Variants in CMC2 observed in about 807,000 individuals in gnomAD.
CMC2 encodes COX assembly mitochondrial protein 2 homolog.
Under a neutral mutation model 7.5 loss-of-function variants are expected in CMC2, and 5 were observed. That is an observed-to-expected ratio of 0.66 (90% CI 0.35 to 1.40). CMC2 has a LOEUF of 1.40. Ranked by LOEUF, CMC2 falls within the 40% of genes most tolerant of loss-of-function variation. CMC2 has a pLI of 0.04. For synonymous variants in CMC2, 37 were observed against 31.4 expected (o/e 1.18, Z -0.60); for missense variants, 115 against 92.3 (o/e 1.25, Z -1.01).
intron 3 of CMC2, among the ~76,000 whole-genome samples, chr16:80,979,734 C>T (rs1366342977): frequency 6.6e-6 from 1 of 152,048 alleles, no homozygotes; most frequent in East Asian, 1.9e-4. Flanking sequence ...TATTCTCCTG[C>T]CTCAGCCTCC....
intron 2 of CMC2, chr16:80,991,693 G>A (rs188564368): frequency 1.0e-4 from 23 of 221,100 alleles, no homozygotes; most frequent in Admixed American, 9.0e-4. Context: ...GGTGATCAAC[G>A]TCAACATTAA....
intron 2 of CMC2, among the ~76,000 whole-genome samples, chr16:80,993,034 A>G (rs2549854): frequency 0.65 from 99,087 of 151,954 alleles, 34,066 homozygotes; most frequent in South Asian, 0.8. Context: ...CAGGTTTCTT[A>G]GTGTTTGTAT....
intron 2 of CMC2, among the ~76,000 whole-genome samples, chr16:80,984,531 T>C (rs975636236): frequency 1.3e-5 from 2 of 152,240 alleles, no homozygotes; most frequent in Non-Finnish European, 1.5e-5. Flanking sequence ...CCTAATGACC[T>C]TTCCAGAATA....
chr16:80,988,391 G>C (rs115341902), intron 2 of CMC2: 1 of 589,024 alleles, frequency 1.7e-6, no homozygotes, highest in African/African-American at 1.9e-5. Flanking sequence ...TCTTCAGAAA[G>C]ATCAGTTAGG....
rs1911764087 is a variant in CMC2 at position 80,969,353 on chromosome 16, A to T, written c.*6740T>A. On this transcript the variant is annotated 3_prime_UTR_variant, in exon 4 of 4. Transcript: ENST00000219400. ...GAACCAACTAAGGACCGAAGAACCCAAAACAACAGATATTCACTGCAAAGC... is the reference window on the plus strand; with the variant it reads ...GAACCAACTAAGGACCGAAGAACCCTAAACAACAGATATTCACTGCAAAGC... 6.6e-6 allele frequency: 1 copy of T among 152,356 alleles called. No homozygotes were observed. Among genetic ancestry groups the T allele is most frequent in the African/African-American group, 2.4e-5 (1 of 41,450 alleles). The allele number at this position is 152,356 out of a possible 1,614,324, so 9.4% of individuals were successfully genotyped here.
At chr16:80,994,074 G>C (rs1340562958) in intron 2 of CMC2, among the ~76,000 whole-genome samples, 1 of 151,950 alleles carries the variant, frequency 6.6e-6, no homozygotes, top group African/African-American at 2.4e-5. Context: ...TTTGACAAAG[G>C]GACCATGGTA....
At chr16:80,979,655 C>A (rs1966968293) in intron 3 of CMC2, among the ~76,000 whole-genome samples, 1 of 152,108 alleles carries the variant, frequency 6.6e-6, no homozygotes, top group South Asian at 2.1e-4. Context: ...GTCTCTCACT[C>A]TGTCACCCAG....
At chr16:80,978,381 T>C in intron 3 of CMC2, 1 of 1,271,422 alleles carries the variant, frequency 7.9e-7, no homozygotes, top group South Asian at 1.2e-5. Flanking sequence ...CATTAAAATA[T>C]GCTAAGACAT....
intron 3 of CMC2, among the ~76,000 whole-genome samples, chr16:80,978,072 C>CAAAA (rs57080796): frequency 6.9e-6 from 1 of 145,378 alleles, no homozygotes; most frequent in Admixed American, 6.9e-5. Context: ...GACTTCGTCT[C>CAAAA]AAAAAAAAAG....
intron 2 of CMC2, among the ~76,000 whole-genome samples, chr16:80,991,533 C>T (rs1032405384): frequency 5.3e-5 from 8 of 151,588 alleles, no homozygotes; most frequent in African/African-American, 1.2e-4. Context: ...CCCAGCTACT[C>T]GGGAGGGTGA....
rs561820119 is a variant in CMC2 at position 80,976,976 on chromosome 16, T to C, written c.154-797A>G. 8.5e-5 allele frequency among the ~76,000 whole-genome samples: 13 copies of C among 152,194 alleles called. No homozygotes were observed. In the South Asian group the frequency reaches 1.0e-3, roughly 12 times the overall value. ...CCAAAAAAAAAAATCACAACCAAAA[T>C]TGAATACAGTGCTCCAGTCACAATG... On this transcript the variant is annotated intron_variant, in intron 3 of 3. Transcript: ENST00000219400.
intron 2 of CMC2, among the ~76,000 whole-genome samples, chr16:80,988,799 T>C (rs1967744193): frequency 1.5e-5 from 1 of 65,696 alleles, no homozygotes; most frequent in Non-Finnish European, 5.4e-5. Context: ...TGTCACGTCT[T>C]TTTAGTCTTT....
intron 2 of CMC2, among the ~76,000 whole-genome samples, chr16:80,986,571 G>C (rs1214486692): frequency 6.6e-6 from 1 of 152,192 alleles, no homozygotes; most frequent in Non-Finnish European, 1.5e-5. Flanking sequence ...AGACCAGATA[G>C]AAGTCCTTTA....
At chr16:81,000,406 G>C (rs1259128548) in intron 1 of CMC2, among the ~76,000 whole-genome samples, 1 of 152,194 alleles carries the variant, frequency 6.6e-6, no homozygotes, top group Non-Finnish European at 1.5e-5. Context: ...TGAGGAAGGA[G>C]AATCGCTTGA....
intron 1 of CMC2, among the ~76,000 whole-genome samples, chr16:81,000,589 T>G (rs142246931): frequency 0.014 from 2,193 of 152,114 alleles, 32 homozygotes; most frequent in Non-Finnish European, 0.024. Flanking sequence ...CCAAAAAACA[T>G]GAAAAAATGC....
At position 80,978,466 on chromosome 16, in the gene CMC2, A is replaced by G. The variant is rs902811182; in HGVS notation, c.154-2287T>C. On this transcript the variant is annotated intron_variant, in intron 3 of 3. Transcript: ENST00000219400. Reference sequence around the variant, plus strand: ...AATATGAAGTTACTCACAAAACTCAATCAAACAATACAGACAGAATGAAAG... The same window carrying G: ...AATATGAAGTTACTCACAAAACTCAGTCAAACAATACAGACAGAATGAAAG... 17 of 972,750 alleles carry G rather than the reference A, an allele frequency of 1.7e-5. No individual in the cohort carries two copies. The African/African-American group carries it at 2.3e-4, about 13-fold the overall frequency. The allele number at this position is 972,750 out of a possible 1,614,324, so 60.3% of individuals were successfully genotyped here. A position where few individuals can be genotyped will look rare whatever the true frequency, so the allele number is the denominator to read the frequency against.
chr16:80,992,752 C>T (rs973466288), intron 2 of CMC2, among the ~76,000 whole-genome samples: 1 of 143,672 alleles, frequency 7.0e-6, no homozygotes, highest in Admixed American at 7.2e-5. Context: ...CTTTGTCACA[C>T]AGGCTGATGT....
chr16:80,967,697 T>C lies in CMC2; in HGVS notation c.*8396A>G, dbSNP rs960721392. ...AATCATTAGCTCAATAATCCAATCA[T>C]AGCATTTTAGGAAATATGGATGCTC... On this transcript the variant is annotated 3_prime_UTR_variant, in exon 4 of 4. Coordinates refer to ENST00000219400, the MANE Select transcript of CMC2 (RefSeq NM_020188.5). 6.6e-5 allele frequency: 10 copies of C among 152,192 alleles called. No homozygotes were observed. In the East Asian group the frequency reaches 1.2e-3, roughly 18 times the overall value. The allele number at this position is 152,192 out of a possible 1,614,324, so 9.4% of individuals were successfully genotyped here.
chr16:80,994,257 G>A (rs778970421), intron 2 of CMC2, among the ~76,000 whole-genome samples: 84 of 151,716 alleles, frequency 5.5e-4, no homozygotes, highest in Admixed American at 1.4e-3. Context: ...AACTTGAAAC[G>A]AATCATAGAC....
Sources: allele counts gnomAD v4.1 joint callset (sites outside exome capture counted in the v4.1 genomes callset), GRCh38; gene constraint gnomAD v4.1.1; transcripts MANE v1.5; gene names NCBI Gene and HGNC (gene_info 2026-07-23, HGNC 2026-07-21).